Variants in GALNTL6 observed in about 807,000 individuals in gnomAD.
GALNTL6 encodes the protein polypeptide N-acetylgalactosaminyltransferase-like 6.
Under a neutral mutation model 73.7 loss-of-function variants are expected in GALNTL6, and 46 were observed. The ratio of observed to expected loss-of-function variants is 0.62; its 90% CI spans 0.49 to 0.80. The LOEUF (loss-of-function observed/expected upper bound fraction) is 0.80, where lower values mean the gene tolerates loss of function less well. GALNTL6 is among the 30% of genes least tolerant of loss of function. The pLI is 0.00. For synonymous variants in GALNTL6, 259 were observed against 263.7 expected (o/e 0.98, Z 0.17); for missense variants, 604 against 755.0 (o/e 0.80, Z 2.34).
chr4:172,875,096 G>A (rs577005126), intron 7 of GALNTL6, among the ~76,000 whole-genome samples: 1 of 152,206 alleles, frequency 6.6e-6, no homozygotes, highest in East Asian at 1.9e-4. Flanking sequence ...ACATCCCTGG[G>A]GACTCTCAGA....
intron 5 of GALNTL6, among the ~76,000 whole-genome samples, chr4:172,629,209 A>T (rs1739286309): frequency 6.6e-6 from 1 of 152,134 alleles, no homozygotes; most frequent in South Asian, 2.1e-4. Context: ...TTTGTGGTTC[A>T]TCAAGAGGAA....
At chr4:172,469,372 A>T (rs1451182645) in intron 5 of GALNTL6, among the ~76,000 whole-genome samples, 1 of 152,132 alleles carries the variant, frequency 6.6e-6, no homozygotes, top group Admixed American at 6.6e-5. Flanking sequence ...CTGAGAGATC[A>T]AAGTGGGAGA....
At chr4:172,979,228 C>T (rs750579681) in intron 10 of GALNTL6, among the ~76,000 whole-genome samples, 2 of 152,172 alleles carry the variant, frequency 1.3e-5, no homozygotes, top group Non-Finnish European at 2.9e-5. Flanking sequence ...CAAAGATTCA[C>T]GTGTGCCAAA....
chr4:172,294,423 A>T (rs1739590710), intron 3 of GALNTL6, among the ~76,000 whole-genome samples: 1 of 152,182 alleles, frequency 6.6e-6, no homozygotes, highest in African/African-American at 2.4e-5. Context: ...TCAAAGGAAG[A>T]TGCTAGCAGA....
chr4:172,239,576 C>G (rs1737350571), intron 3 of GALNTL6, among the ~76,000 whole-genome samples: 2 of 151,906 alleles, frequency 1.3e-5, no homozygotes, highest in African/African-American at 4.8e-5. Context: ...TTTTATGTCT[C>G]AATTTCATTC....
intron 5 of GALNTL6, among the ~76,000 whole-genome samples, chr4:172,757,179 TA>T (rs2110807269): frequency 6.6e-6 from 1 of 152,334 alleles, no homozygotes; most frequent in East Asian, 1.9e-4. Flanking sequence ...CTGAAATACC[TA>T]ATGCACAGTC....
chr4:172,104,274 G>A (rs1732614120), intron 2 of GALNTL6, among the ~76,000 whole-genome samples: 1 of 152,136 alleles, frequency 6.6e-6, no homozygotes, highest in African/African-American at 2.4e-5. Context: ...TTTATTCAGA[G>A]CCATTGGTGG....
intron 4 of GALNTL6, among the ~76,000 whole-genome samples, chr4:172,315,814 C>T (rs999533358): frequency 6.6e-6 from 1 of 151,984 alleles, no homozygotes; most frequent in Admixed American, 6.6e-5. Context: ...GTTTTCTCCA[C>T]TTGTGTATTG....
At chr4:172,693,232 T>G (rs967540811) in intron 5 of GALNTL6, among the ~76,000 whole-genome samples, 5 of 152,220 alleles carry the variant, frequency 3.3e-5, no homozygotes, top group African/African-American at 1.2e-4. Context: ...TCCTAATGAT[T>G]ATTCAGCATT....
At chr4:172,958,808 G>T (rs1179358033) in intron 10 of GALNTL6, among the ~76,000 whole-genome samples, 3 of 152,178 alleles carry the variant, frequency 2.0e-5, no homozygotes, top group Non-Finnish European at 4.4e-5. Flanking sequence ...AGCGAAGAGA[G>T]GCTGGGGTGA....
chr4:172,397,054 C>T (rs1283221415), intron 5 of GALNTL6, among the ~76,000 whole-genome samples: 2 of 151,910 alleles, frequency 1.3e-5, no homozygotes, highest in African/African-American at 2.4e-5. Flanking sequence ...GATGTAAATT[C>T]GAGATGGAAC....
intron 5 of GALNTL6, among the ~76,000 whole-genome samples, chr4:172,712,977 T>G (rs1734806258): frequency 6.6e-6 from 1 of 152,094 alleles, no homozygotes; most frequent in African/African-American, 2.4e-5. Flanking sequence ...AAAATGACCA[T>G]AAAATATCTA....
At chr4:172,579,278 C>G (rs1054772799) in intron 5 of GALNTL6, among the ~76,000 whole-genome samples, 3 of 152,250 alleles carry the variant, frequency 2.0e-5, no homozygotes, top group African/African-American at 7.2e-5. Flanking sequence ...GGTATATAAT[C>G]AAAATTTTTT....
chr4:172,282,568 A>G (rs1460490680), intron 3 of GALNTL6, among the ~76,000 whole-genome samples: 6 of 152,072 alleles, frequency 3.9e-5, no homozygotes, highest in African/African-American at 1.4e-4. Flanking sequence ...CACCATGCTA[A>G]GCAAAACCTT....
intron 2 of GALNTL6, among the ~76,000 whole-genome samples, chr4:171,939,862 C>T (rs973187884): frequency 1.3e-5 from 2 of 151,966 alleles, no homozygotes; most frequent in African/African-American, 4.8e-5. Context: ...GTTTACATGC[C>T]TGAAACAATA....
At chr4:172,957,855 A>G (rs980291968) in intron 10 of GALNTL6, among the ~76,000 whole-genome samples, 2 of 152,216 alleles carry the variant, frequency 1.3e-5, no homozygotes, top group Non-Finnish European at 2.9e-5. Context: ...GGAAGATAAT[A>G]TAGCATAGCC....
intron 2 of GALNTL6, among the ~76,000 whole-genome samples, chr4:171,917,018 C>A (rs534112511): frequency 6.6e-6 from 1 of 152,156 alleles, no homozygotes; most frequent in African/African-American, 2.4e-5. Context: ...AAAATAAATA[C>A]AACAGAATTT....
At chr4:172,242,125 G>A (rs1180433046) in intron 3 of GALNTL6, among the ~76,000 whole-genome samples, 1 of 152,008 alleles carries the variant, frequency 6.6e-6, no homozygotes, top group Non-Finnish European at 1.5e-5. Flanking sequence ...ATACATTTCT[G>A]AAATAAAAGT....
intron 5 of GALNTL6, among the ~76,000 whole-genome samples, chr4:172,599,971 T>G (rs1462343369): frequency 6.6e-6 from 1 of 152,122 alleles, no homozygotes; most frequent in Non-Finnish European, 1.5e-5. Flanking sequence ...AAATTTTTTA[T>G]GAAAATACTG....
Sources: allele counts gnomAD v4.1 joint callset (sites outside exome capture counted in the v4.1 genomes callset), GRCh38; gene constraint gnomAD v4.1.1; transcripts MANE v1.5; gene names NCBI Gene and HGNC (gene_info 2026-07-23, HGNC 2026-07-21).